The following SORCS1 variants were observed in gnomAD, a reference collection of about 807,000 sequenced individuals.
SORCS1 encodes VPS10 domain-containing receptor SorCS1.
A neutral mutation model predicts 146.1 loss-of-function variants in SORCS1; 60 were observed. The ratio of observed to expected loss-of-function variants is 0.41; its 90% CI spans 0.33 to 0.51. SORCS1 has a LOEUF of 0.51. Ranked by LOEUF, SORCS1 falls within the 20% of genes least tolerant of loss-of-function variation. The pLI, the probability that SORCS1 is intolerant of heterozygous loss-of-function variation, is 0.21. For missense variants in SORCS1, 1,352 were observed against 1,487.6 expected, an observed-to-expected ratio of 0.91 and a Z score of 1.50; for synonymous variants, 637 against 584.0, an observed-to-expected ratio of 1.09 and a Z score of -1.31.
intron 2 of SORCS1, among the ~76,000 whole-genome samples, chr10:106,864,666 A>G (rs1564749646): frequency 6.6e-6 from 1 of 152,086 alleles, no homozygotes; most frequent in Non-Finnish European, 1.5e-5. Context: ...AGACCTGCTG[A>G]TGCGGAACTC....
chr10:106,954,420 C>CA (rs1477336463), intron 2 of SORCS1, among the ~76,000 whole-genome samples: 4 of 152,190 alleles, frequency 2.6e-5, no homozygotes, highest in Non-Finnish European at 5.9e-5. Context: ...CCTTAATGCA[C>CA]AAAAAATTAT....
At chr10:106,983,958 G>C (rs371350447) in intron 1 of SORCS1, among the ~76,000 whole-genome samples, 4 of 152,248 alleles carry the variant, frequency 2.6e-5, no homozygotes, top group African/African-American at 9.6e-5. Flanking sequence ...TTCAGAAGTA[G>C]GGTGATAATT....
chr10:107,026,505 C>A lies in SORCS1; in HGVS notation c.559-69925G>T, dbSNP rs1589961460. ...ATGGTGGTGGGCGCCTGTAGCCCAGCTACTCAGCAGGCTGAGGCAGGAGAA... is the reference window on the plus strand; with the variant it reads ...ATGGTGGTGGGCGCCTGTAGCCCAGATACTCAGCAGGCTGAGGCAGGAGAA... On this transcript the variant is annotated intron_variant, in intron 1 of 25. Coordinates refer to ENST00000263054, the MANE Select transcript of SORCS1 (RefSeq NM_052918.5). Among the ~76,000 whole-genome samples the A allele has an allele frequency of 2.0e-5, 3 of 151,924 alleles. No individual in the cohort carries two copies. The East Asian group carries it at 5.8e-4, about 30-fold the overall frequency.
intron 1 of SORCS1, among the ~76,000 whole-genome samples, chr10:107,081,620 A>G (rs573403873): frequency 1.3e-5 from 2 of 152,350 alleles, no homozygotes; most frequent in Admixed American, 6.5e-5. Context: ...GCTTATGGCT[A>G]TCACTTAGTC....
chr10:106,645,990 G>A (rs1345144378), intron 18 of SORCS1, among the ~76,000 whole-genome samples: 10 of 152,080 alleles, frequency 6.6e-5, no homozygotes, highest in Admixed American at 2.6e-4. Context: ...TAGGCTGGGC[G>A]TGGTAGCTCA....
intron 2 of SORCS1, among the ~76,000 whole-genome samples, chr10:106,842,646 C>T (rs1306973437): frequency 1.3e-5 from 2 of 152,070 alleles, no homozygotes; most frequent in Non-Finnish European, 2.9e-5. Context: ...GATGGAGTTT[C>T]GCTGTTGTTT....
intron 2 of SORCS1, among the ~76,000 whole-genome samples, chr10:106,863,648 T>C (rs887782364): frequency 6.7e-6 from 1 of 150,096 alleles, no homozygotes; most frequent in Non-Finnish European, 1.5e-5. Flanking sequence ...CCAGTCTGCA[T>C]GTAGTGATTC....
chr10:106,913,557 A>C (rs769080505), intron 2 of SORCS1, among the ~76,000 whole-genome samples: 2 of 152,230 alleles, frequency 1.3e-5, no homozygotes, highest in African/African-American at 2.4e-5. Flanking sequence ...CTATCTATTA[A>C]GGAGACAAGG....
intron 1 of SORCS1, among the ~76,000 whole-genome samples, chr10:107,012,635 T>C (rs1278202357): frequency 6.6e-6 from 1 of 152,168 alleles, no homozygotes; most frequent in African/African-American, 2.4e-5. Flanking sequence ...AACTAGCTCA[T>C]GGAACAATCA....
At chr10:106,792,132 C>T (rs1293426715) in intron 3 of SORCS1, among the ~76,000 whole-genome samples, 5 of 152,232 alleles carry the variant, frequency 3.3e-5, no homozygotes, top group African/African-American at 1.2e-4. Flanking sequence ...AAAGACAACA[C>T]AGTAGCATTC....
chr10:107,081,083 G>A (rs994270291), intron 1 of SORCS1, among the ~76,000 whole-genome samples: 16 of 152,174 alleles, frequency 1.1e-4, no homozygotes, highest in Non-Finnish European at 1.8e-4. Flanking sequence ...AAGCTAGTCA[G>A]TACCATAACT....
Position 106,679,306 on chromosome 10 carries a change from T to C in SORCS1, c.1690A>G (p.Thr564Ala), listed in dbSNP as rs1852262845. 1.9e-6 allele frequency: 3 copies of C among 1,613,326 alleles called. No homozygotes were observed. Among genetic ancestry groups the C allele is most frequent in the Non-Finnish European group, 2.5e-6 (3 of 1,179,462 alleles). ...GAAGAGACAAACATGCTGATGTCAGTGTCTGACAATTCAGAACCTATATTA... is the reference window on the plus strand; with the variant it reads ...GAAGAGACAAACATGCTGATGTCAGCGTCTGACAATTCAGAACCTATATTA... ...SGNIGSELSD[T>A]DISMFVSSDA... The change falls in exon 12 of 26, where the codon ACT (threonine) becomes GCT (alanine). Residue 564 changes from threonine (T) to alanine (A), a missense_variant. This residue lies in a region of SORCS1 where 648 missense variants were observed against 793.8 expected (regional missense o/e 0.82). Transcript: ENST00000263054.
intron 5 of SORCS1, among the ~76,000 whole-genome samples, chr10:106,756,821 A>G (rs570873689): frequency 5.8e-4 from 88 of 152,138 alleles, no homozygotes; most frequent in Non-Finnish European, 8.5e-4. Context: ...AGGATCTTCA[A>G]GCCTCTCAAA....
intron 5 of SORCS1, 126 bp from the exon 6 acceptor site, chr10:106,730,240 A>G: frequency 2.7e-6 from 2 of 744,824 alleles, no homozygotes; most frequent in South Asian, 3.4e-5. Flanking sequence ...TCCTTAGAAT[A>G]TATCTACTCT....
intron 2 of SORCS1, among the ~76,000 whole-genome samples, chr10:106,953,459 A>C (rs1182022814): frequency 6.6e-6 from 1 of 152,064 alleles, no homozygotes; most frequent in African/African-American, 2.4e-5. Flanking sequence ...TTCCCCCAAC[A>C]GTTTTGATCC....
chr10:106,685,209 A>G (rs1413533023), intron 10 of SORCS1, among the ~76,000 whole-genome samples: 3 of 152,174 alleles, frequency 2.0e-5, no homozygotes, highest in Non-Finnish European at 4.4e-5. Flanking sequence ...TTAAAATCCA[A>G]ACGCGAAACT....
intron 1 of SORCS1, among the ~76,000 whole-genome samples, chr10:106,983,479 C>T (rs1240864073): frequency 6.6e-6 from 1 of 152,066 alleles, no homozygotes; most frequent in Non-Finnish European, 1.5e-5. Flanking sequence ...TCATTCTTCT[C>T]TTTCCACAGG....
At chr10:106,778,914 C>T (rs1860672400) in intron 3 of SORCS1, among the ~76,000 whole-genome samples, 1 of 152,094 alleles carries the variant, frequency 6.6e-6, no homozygotes, top group Admixed American at 6.5e-5. Flanking sequence ...CAAACTAGGC[C>T]TACAGAATAT....
intron 1 of SORCS1, among the ~76,000 whole-genome samples, chr10:107,000,719 T>C (rs1246913025): frequency 4.6e-5 from 7 of 152,062 alleles, no homozygotes; most frequent in South Asian, 4.1e-4. Flanking sequence ...GGCAAGAAGA[T>C]TGAACAAATA....
Sources: gnomAD v4.1 joint callset for allele counts (sites outside exome capture counted in the v4.1 genomes callset) on GRCh38, gnomAD v4.1.1 for gene constraint, gnomAD v4.1.1 regional missense constraint, MANE v1.5 for transcripts, NCBI Gene and HGNC (gene_info 2026-07-23, HGNC 2026-07-21) for gene names.